Variants in DTX4 observed in about 807,000 individuals in gnomAD.
DTX4 encodes the protein deltex E3 ubiquitin ligase 4.
A neutral mutation model predicts 57.6 loss-of-function variants in DTX4; 28 were observed. That is an observed-to-expected ratio of 0.49 (90% CI 0.36 to 0.67). The LOEUF (loss-of-function observed/expected upper bound fraction) is 0.67, where lower values mean the gene tolerates loss of function less well. Ranked by LOEUF, DTX4 falls within the 30% of genes least tolerant of loss-of-function variation. The pLI, the probability that DTX4 is intolerant of heterozygous loss-of-function variation, is 0.00. For synonymous variants in DTX4, 316 were observed against 331.0 expected (o/e 0.95, Z 0.49); for missense variants, 715 against 836.8 (o/e 0.85, Z 1.80).
At chr11:59,184,288 G>T (rs1458827445) in intron 2 of DTX4, among the ~76,000 whole-genome samples, 1 of 152,178 alleles carries the variant, frequency 6.6e-6, no homozygotes, top group East Asian at 1.9e-4. Flanking sequence ...AGGACTGTCT[G>T]GGCTTGAACC....
At chr11:59,177,118 G>C (rs1231857197) in intron 1 of DTX4, among the ~76,000 whole-genome samples, 3 of 152,076 alleles carry the variant, frequency 2.0e-5, no homozygotes, top group Non-Finnish European at 4.4e-5. Flanking sequence ...AGGATTCTTT[G>C]ACTCATTCTG....
chr11:59,192,802 C>T (rs1266639690), intron 6 of DTX4, among the ~76,000 whole-genome samples: 1 of 152,148 alleles, frequency 6.6e-6, no homozygotes, highest in Non-Finnish European at 1.5e-5. Flanking sequence ...CCCTAGAATC[C>T]CACTGTTGGA....
chr11:59,198,606 A>G (rs1862702991), intron 7 of DTX4, among the ~76,000 whole-genome samples: 1 of 152,226 alleles, frequency 6.6e-6, no homozygotes, highest in Non-Finnish European at 1.5e-5. Flanking sequence ...AATAAGAGAA[A>G]AAGAAAAATC....
At chr11:59,193,837 A>G (rs890651052) in intron 6 of DTX4, among the ~76,000 whole-genome samples, 1 of 152,222 alleles carries the variant, frequency 6.6e-6, no homozygotes, top group Non-Finnish European at 1.5e-5. Context: ...GCTTTAAGCG[A>G]GTAGACTGGA....
Position 59,206,503 on chromosome 11 carries a change from T to C in DTX4, c.*1594T>C, listed in dbSNP as rs1008120891. ...ATTTATATACCTCATGTTTTGGGGGTTTGACGTATATATATATATATATAT... is the reference window on the plus strand; with the variant it reads ...ATTTATATACCTCATGTTTTGGGGGCTTGACGTATATATATATATATATAT... On this transcript the variant is annotated 3_prime_UTR_variant, in exon 9 of 9. Transcript: ENST00000227451. 8.9e-6 allele frequency: 1 copy of C among 111,842 alleles called. No individual in the cohort carries two copies. The highest frequency in any genetic ancestry group is 1.9e-5 in the Non-Finnish European group (1 of 53,868). The allele number at this position is 111,842 out of a possible 1,614,324, so 6.9% of individuals were successfully genotyped here.
chr11:59,192,944 C>T (rs1252743653), intron 6 of DTX4, among the ~76,000 whole-genome samples: 2 of 152,190 alleles, frequency 1.3e-5, no homozygotes, highest in Non-Finnish European at 2.9e-5. Context: ...AGTGTCTGAG[C>T]ATTTCCTAAG....
In DTX4 at chr11:59,199,793, CA is replaced by C; in HGVS notation, c.1626+21del. On this transcript the variant is annotated intron_variant, in intron 8 of 8. Coordinates refer to ENST00000227451, the MANE Select transcript of DTX4 (RefSeq NM_015177.2). ...AGAAAAGTAAGACCGGAAGTTTCCACATAGAACTAGGTTTTAGAATAGATCG... is the reference window on the plus strand; with the variant it reads ...AGAAAAGTAAGACCGGAAGTTTCCACTAGAACTAGGTTTTAGAATAGATCG... 1 of 1,548,824 alleles carries C rather than the reference CA, an allele frequency of 6.5e-7. No individual in the cohort carries two copies.
chr11:59,174,636 G>C (rs1862372969), intron 1 of DTX4, among the ~76,000 whole-genome samples: 1 of 152,094 alleles, frequency 6.6e-6, no homozygotes, highest in Admixed American at 6.5e-5. Flanking sequence ...TCTGTGTTTG[G>C]GGGTACTTAG....
chr11:59,194,384 T>C, intron 6 of DTX4, among the ~76,000 whole-genome samples: 1 of 152,234 alleles, frequency 6.6e-6, no homozygotes, highest in East Asian at 1.9e-4. Context: ...CTAAGCAAAT[T>C]CATAGCTATT....
rs73476958 is a variant in DTX4 at position 59,178,332 on chromosome 11, G to A, written c.212-3407G>A. On this transcript the variant is annotated intron_variant, in intron 1 of 8. Coordinates refer to ENST00000227451, the MANE Select transcript of DTX4 (RefSeq NM_015177.2). ...ATGGAAGGGATTTACGCAGGGAAGG[G>A]ACATGGTCAATTTTCCTGCCAACAT... 5.2e-3 allele frequency among the ~76,000 whole-genome samples: 791 copies of A among 152,234 alleles called. 8 individuals carry two copies. Among genetic ancestry groups the A allele is most frequent in the African/African-American group, 0.018 (741 of 41,522 alleles).
At chr11:59,195,391 G>T in intron 7 of DTX4, 22 bp downstream of exon 7, 1 of 1,581,604 alleles carries the variant, frequency 6.3e-7, no homozygotes, top group Non-Finnish European at 8.6e-7. Flanking sequence ...TCTCAGGTGA[G>T]CCTTTCTGTC....
intron 6 of DTX4, 25 bp downstream of exon 6, chr11:59,192,275 TGCC>T (rs1276375152): frequency 6.2e-7 from 1 of 1,610,262 alleles, no homozygotes; most frequent in Non-Finnish European, 8.5e-7. Flanking sequence ...ATGGGGCTCC[TGCC>T]ACCCTTCACA....
intron 2 of DTX4, among the ~76,000 whole-genome samples, chr11:59,183,876 T>C (rs1425217829): frequency 1.3e-5 from 2 of 152,238 alleles, no homozygotes; most frequent in African/African-American, 4.8e-5. Flanking sequence ...CTCTTGGCAG[T>C]GCATTCTCTT....
chr11:59,176,843 G>A (rs762859990), intron 1 of DTX4, among the ~76,000 whole-genome samples: 22 of 152,242 alleles, frequency 1.4e-4, no homozygotes, highest in African/African-American at 2.9e-4. Context: ...CCCTTTCCTT[G>A]GGTTACTTCA....
chr11:59,190,748 T>C (rs372740563), intron 4 of DTX4, among the ~76,000 whole-genome samples: 1 of 152,190 alleles, frequency 6.6e-6, no homozygotes, highest in Non-Finnish European at 1.5e-5. Context: ...AAAATGAAGG[T>C]GGTAAGACTG....
At position 59,172,545 on chromosome 11, in the gene DTX4, C is replaced by T. The variant is rs1191003986; in HGVS notation, c.-51C>T. The T allele has an allele frequency of 2.4e-6, 3 of 1,240,160 alleles. No individual in the cohort carries two copies. The highest frequency in any genetic ancestry group is 3.2e-5 in the African/African-American group (2 of 63,178). 76.8% of individuals were successfully genotyped at this position (1,240,160 alleles called of 1,614,324 possible). A position where few individuals can be genotyped will look rare whatever the true frequency, so the allele number is the denominator to read the frequency against. On this transcript the variant is annotated 5_prime_UTR_variant, in exon 1 of 9. Coordinates refer to ENST00000227451, the MANE Select transcript of DTX4 (RefSeq NM_015177.2). ...GCAGGAGGAAGCGGAGGAGGTCGGG[C>T]GCTCGGGGCCCGGGAGGCGGGCCGC...
chr11:59,191,014 A>C lies in DTX4; in HGVS notation c.1160-100A>C, dbSNP rs898877452. 1.8e-4 allele frequency: 208 copies of C among 1,127,632 alleles called. 1 individual carries two copies. The highest frequency in any genetic ancestry group is 1.5e-4 in the Non-Finnish European group (117 of 789,276). 69.9% of individuals were successfully genotyped at this position (1,127,632 alleles called of 1,614,324 possible). A position where few individuals can be genotyped will look rare whatever the true frequency, so the allele number is the denominator to read the frequency against. ...GGAATTCCTCCCCTTTTTGCTTTTA[A>C]CTTGCCTGATAACGTCCCCCTCTAC... On this transcript the variant is annotated intron_variant, in intron 4 of 8. Transcript: ENST00000227451.
At chr11:59,171,856 A>C (rs1367361498), upstream of DTX4, among the ~76,000 whole-genome samples, 2 of 151,616 alleles carry the variant, frequency 1.3e-5, no homozygotes, top group African/African-American at 4.9e-5. Context: ...AGAGAGAGAA[A>C]ATTACATTTG....
intron 4 of DTX4, 36 bp from the exon 5 acceptor site, chr11:59,191,078 T>C: frequency 6.4e-7 from 1 of 1,553,276 alleles, no homozygotes; most frequent in Non-Finnish European, 8.7e-7. Flanking sequence ...CTCTTACCTC[T>C]GCCTTGGTGG....
Sources: gnomAD v4.1 joint callset for allele counts (sites outside exome capture counted in the v4.1 genomes callset) on GRCh38, gnomAD v4.1.1 for gene constraint, MANE v1.5 for transcripts, NCBI Gene and HGNC (gene_info 2026-07-23, HGNC 2026-07-21) for gene names.